The following DNAH14 variants were observed in gnomAD, a reference collection of about 807,000 sequenced individuals.
DNAH14 encodes axonemal beta dynein heavy chain 14.
In DNAH14, 478 loss-of-function variants were observed where a neutral mutation model predicts 520.9. The ratio of observed to expected loss-of-function variants is 0.92; its 90% CI spans 0.85 to 0.99. The LOEUF (loss-of-function observed/expected upper bound fraction) is 0.99. Ranked by LOEUF, DNAH14 falls within the 50% of genes least tolerant of loss-of-function variation. The pLI, the probability that DNAH14 is intolerant of heterozygous loss-of-function variation, is 0.00. For synonymous variants in DNAH14, 1,581 were observed against 1,757.2 expected (o/e 0.90, Z 2.51); for missense variants, 4,831 against 5,234.5 (o/e 0.92, Z 2.38).
chr1:225,297,386 T>C (rs1213510923), intron 55 of DNAH14, among the ~76,000 whole-genome samples: 1 of 152,196 alleles, frequency 6.6e-6, no homozygotes, highest in East Asian at 1.9e-4. Context: ...TGCAACCTGT[T>C]ACTGGTGAGC....
chr1:225,050,187 G>T, intron 15 of DNAH14, 23 bp from the exon 16 acceptor site: 2 of 1,512,034 alleles, frequency 1.3e-6, no homozygotes, highest in South Asian at 2.7e-5. Context: ...CTGAAGTACT[G>T]ACTTTTAAAT....
chr1:225,354,694 T>A (rs77050298), intron 73 of DNAH14, among the ~76,000 whole-genome samples: 2 of 152,146 alleles, frequency 1.3e-5, no homozygotes, highest in African/African-American at 4.8e-5. Flanking sequence ...CTTTCCAGGC[T>A]AGATCATCCT....
At chr1:224,957,505 A>AAT (rs151160786) in intron 3 of DNAH14, among the ~76,000 whole-genome samples, 8,351 of 152,148 alleles carry the variant, frequency 0.055, 463 homozygotes, top group East Asian at 0.23. Flanking sequence ...ATAAAGTGAG[A>AAT]CTAAAACAGG....
chr1:225,094,908 G>A (rs572508865), intron 21 of DNAH14, among the ~76,000 whole-genome samples: 1 of 149,082 alleles, frequency 6.7e-6, no homozygotes, highest in Non-Finnish European at 1.5e-5. Context: ...TGGCCAACAA[G>A]CATATGAAAA....
intron 76 of DNAH14, among the ~76,000 whole-genome samples, chr1:225,366,062 A>G (rs1431920727): frequency 6.6e-6 from 1 of 152,220 alleles, no homozygotes; most frequent in Non-Finnish European, 1.5e-5. Context: ...GGCAAAGGAC[A>G]CAAGAGGTCA....
intron 15 of DNAH14, among the ~76,000 whole-genome samples, chr1:225,044,523 G>T (rs1411894132): frequency 6.6e-6 from 1 of 152,064 alleles, no homozygotes; most frequent in African/African-American, 2.4e-5. Context: ...CTATTTCCAA[G>T]CTAAGCTGGT....
intron 1 of DNAH14, among the ~76,000 whole-genome samples, chr1:224,937,453 C>T (rs936224752): frequency 3.9e-5 from 6 of 151,948 alleles, no homozygotes; most frequent in Non-Finnish European, 7.4e-5. Context: ...ATCTCATTTA[C>T]AGTAGCTACA....
At chr1:225,072,158 C>T (rs989354003) in intron 17 of DNAH14, among the ~76,000 whole-genome samples, 2 of 152,188 alleles carry the variant, frequency 1.3e-5, no homozygotes, top group African/African-American at 4.8e-5. Flanking sequence ...TCCATTCTCT[C>T]CATCTCTTTC....
chr1:225,081,634 C>G (rs2073134440), intron 19 of DNAH14, among the ~76,000 whole-genome samples: 1 of 152,158 alleles, frequency 6.6e-6, no homozygotes, highest in Non-Finnish European at 1.5e-5. Flanking sequence ...GTCTTAAAAA[C>G]ATATTACTAT....
intron 43 of DNAH14, among the ~76,000 whole-genome samples, chr1:225,245,438 G>T (rs1475047584): frequency 6.6e-6 from 1 of 152,128 alleles, no homozygotes; most frequent in Non-Finnish European, 1.5e-5. Flanking sequence ...AATATTCACA[G>T]TGGGGTGTTA....
At chr1:225,253,057 G>C in intron 44 of DNAH14, among the ~76,000 whole-genome samples, 1 of 148,744 alleles carries the variant, frequency 6.7e-6, no homozygotes, top group Admixed American at 6.8e-5. Flanking sequence ...TTTCAGAGTT[G>C]GTTGTAAGAG....
At position 225,080,783 on chromosome 1, in the gene DNAH14, T is replaced by A. The variant is rs199959396; in HGVS notation, c.3136+35T>A. 536 of 1,475,660 alleles carry A rather than the reference T, an allele frequency of 3.6e-4. 4 individuals are homozygous for A. Among genetic ancestry groups the A allele is most frequent in the Admixed American group, 2.0e-4 (8 of 39,550 alleles). The allele number at this position is 1,475,660 out of a possible 1,614,324, so 91.4% of individuals were successfully genotyped here. A position where few individuals can be genotyped will look rare whatever the true frequency, so the allele number is the denominator to read the frequency against. On this transcript the variant is annotated intron_variant, in intron 19 of 85. Coordinates refer to ENST00000682510, the MANE Select transcript of DNAH14 (RefSeq NM_001367479.1). ...TGTTTCTCAAATTTTCCCACCTAGG[T>A]CTATATACCAAATGGCCTTTGGACA...
rs554332042 is a variant in DNAH14 at position 225,238,432 on chromosome 1, C to T, written c.6519-2161C>T. Among the ~76,000 whole-genome samples the T allele has an allele frequency of 2.6e-5, 4 of 152,136 alleles. No homozygotes were observed. The South Asian group carries it at 8.3e-4, about 32-fold the overall frequency. ...CTACTTGCCTCAGTTTTTTCCTTAC[C>T]TGGAGGTATTACCAGTGAAGGATTT... is the stretch of plus-strand genomic sequence containing the variant. On this transcript the variant is annotated intron_variant, in intron 42 of 85. Transcript: ENST00000682510.
intron 41 of DNAH14, among the ~76,000 whole-genome samples, chr1:225,226,302 G>A (rs11484699): frequency 0.021 from 3,242 of 152,152 alleles, 90 homozygotes; most frequent in African/African-American, 0.063. Flanking sequence ...ACTATATATC[G>A]CTCCACTATC....
chr1:225,341,186 C>A (rs2150384513), intron 69 of DNAH14, among the ~76,000 whole-genome samples: 1 of 152,194 alleles, frequency 6.6e-6, no homozygotes, highest in South Asian at 2.1e-4. Context: ...CTCACTGCAA[C>A]CTCCGCCTCC....
intron 22 of DNAH14, among the ~76,000 whole-genome samples, chr1:225,098,144 C>A (rs976270356): frequency 6.6e-6 from 1 of 151,992 alleles, no homozygotes; most frequent in African/African-American, 2.4e-5. Context: ...CTGCAATAAG[C>A]CGTGACTGCA....
Position 225,023,743 on chromosome 1 carries a change from C to T in DNAH14, c.1236C>T (p.Asp412=). The T allele has an allele frequency of 6.4e-7, 1 of 1,550,772 alleles. No individual in the cohort carries two copies. Among genetic ancestry groups the T allele is most frequent in the South Asian group, 1.2e-5 (1 of 84,006 alleles). Residue 412 remains aspartate, a synonymous_variant, in exon 11 of 86, where the codon GAC becomes GAT. Coordinates refer to ENST00000682510, the MANE Select transcript of DNAH14 (RefSeq NM_001367479.1). ...ETFFKFVMLV[D]YIFQELIRQL... is the part of the protein sequence containing the mutation. ...TTTTCAAGTTTGTAATGCTGGTTGA[C>T]TACATATTTCAGGAACTCATTCGTC...
chr1:225,383,473 G>A (rs1384644429), intron 81 of DNAH14, among the ~76,000 whole-genome samples: 7 of 152,158 alleles, frequency 4.6e-5, no homozygotes, highest in Admixed American at 1.3e-4. Flanking sequence ...GACTCCACAC[G>A]TGCAAAGTTA....
chr1:225,335,832 CATATATGTA>C lies in DNAH14; in HGVS notation c.10081-1433_10081-1425del, dbSNP rs1260045263. Among the ~76,000 whole-genome samples the C allele has an allele frequency of 2.0e-5, 2 of 99,866 alleles. 1 individual carries two copies. The highest frequency in any genetic ancestry group is 7.8e-5 in the African/African-American group (2 of 25,640). The allele number at this position is 99,866 out of a possible 152,430, so 65.5% of individuals were successfully genotyped here. On this transcript the variant is annotated intron_variant, in intron 66 of 85. Coordinates refer to ENST00000682510, the MANE Select transcript of DNAH14 (RefSeq NM_001367479.1). ...ACATATATGTACATACACATATGTACATATATGTACATACACATATGTACATATATGTAC... is the reference window on the plus strand; with the variant it reads ...ACATATATGTACATACACATATGTACCATACACATATGTACATATATGTAC...
Sources: gnomAD v4.1 joint callset for allele counts (sites outside exome capture counted in the v4.1 genomes callset) on GRCh38, gnomAD v4.1.1 for gene constraint, MANE v1.5 for transcripts, NCBI Gene and HGNC (gene_info 2026-07-23, HGNC 2026-07-21) for gene names.